The following CDC123 variants were observed in gnomAD, a reference collection of about 807,000 sequenced individuals.
The protein encoded by CDC123 is cell division cycle 123.
Under a neutral mutation model 54.4 loss-of-function variants are expected in CDC123, and 37 were observed. That is an observed-to-expected ratio of 0.68 (90% CI 0.52 to 0.89). The LOEUF is 0.89. Ranked by LOEUF, CDC123 falls within the 40% of genes least tolerant of loss-of-function variation. The pLI is 0.00. For synonymous variants in CDC123, 144 were observed against 136.8 expected (o/e 1.05, Z -0.37); for missense variants, 361 against 412.1 (o/e 0.88, Z 1.07).
In CDC123 at chr10:12,235,126, G is replaced by T. The variant is rs772751537; in HGVS notation, c.565+3G>T. On this transcript the variant is annotated splice_donor_region_variant and intron_variant, in intron 8 of 12. Coordinates refer to ENST00000281141, the MANE Select transcript of CDC123 (RefSeq NM_006023.3). ...TGTCAAGGAAAACAAGCTTATTGGTGAGTTTTTGTTTGTTTGTTTGTTTTA... is the reference window on the plus strand; with the variant it reads ...TGTCAAGGAAAACAAGCTTATTGGTTAGTTTTTGTTTGTTTGTTTGTTTTA... The T allele has an allele frequency of 1.1e-5, 18 of 1,609,528 alleles. No individual in the cohort carries two copies. Among genetic ancestry groups the T allele is most frequent in the Non-Finnish European group, 1.5e-5 (18 of 1,177,684 alleles).
At chr10:12,209,840 A>G in intron 2 of CDC123, 127 bp from the exon 3 acceptor site, 1 of 820,488 alleles carries the variant, frequency 1.2e-6, no homozygotes, top group Non-Finnish European at 2.1e-6. Flanking sequence ...CTAGGATTAC[A>G]GGTGTGAGCC....
intron 2 of CDC123, among the ~76,000 whole-genome samples, chr10:12,200,261 G>T (rs919242475): frequency 2.0e-5 from 3 of 150,750 alleles, no homozygotes; most frequent in African/African-American, 7.3e-5. Context: ...CAACTAGCTG[G>T]GACAACAGGT....
In CDC123 at chr10:12,218,247, CTTTTTT is replaced by C. The variant is rs34125393; in HGVS notation, c.440+792_440+797del. 5.0e-5 allele frequency among the ~76,000 whole-genome samples: 6 copies of C among 119,198 alleles called. No homozygotes were observed. The East Asian group carries it at 1.2e-3, about 23-fold the overall frequency. 78.2% of individuals were successfully genotyped at this position (119,198 alleles called of 152,430 possible). ...CTATAGTTTGTATTTCTTTTTTTTTCTTTTTTTTTTTTTTTTTGAGGCAGGGTCTCA... is the reference window on the plus strand; with the variant it reads ...CTATAGTTTGTATTTCTTTTTTTTTCTTTTTTTTTTTGAGGCAGGGTCTCA... On this transcript the variant is annotated intron_variant, in intron 6 of 12. Coordinates refer to ENST00000281141, the MANE Select transcript of CDC123 (RefSeq NM_006023.3).
intron 6 of CDC123, among the ~76,000 whole-genome samples, chr10:12,229,184 T>C (rs1035926070): frequency 1.3e-5 from 2 of 152,232 alleles, no homozygotes; most frequent in Non-Finnish European, 2.9e-5. Flanking sequence ...TCCCCTAAAC[T>C]GTCCAACACC....
chr10:12,196,318 AG>A lies in CDC123; in HGVS notation c.74+1del. On this transcript the variant is annotated frameshift_variant and splice_region_variant, in exon 1 of 13. Transcript: ENST00000281141. LOFTEE classifies it high-confidence loss of function. Reference protein sequence around the residue: ...YPFFRGVTIKSVILPLPQNVK... With the variant: ...YPFFRGVTIKXVILPLPQNVK... ...GTTCTTCCGAGGCGTTACCATCAAG[AG>A]GTGAGATGGGAGGGGGTTCGCCCGG... The A allele has an allele frequency of 3.7e-6, 6 of 1,611,152 alleles. No homozygotes were observed. Among genetic ancestry groups the A allele is most frequent in the Non-Finnish European group, 5.1e-6 (6 of 1,178,402 alleles).
chr10:12,214,855 G>A (rs1034721486), intron 4 of CDC123, among the ~76,000 whole-genome samples: 5 of 152,054 alleles, frequency 3.3e-5, no homozygotes, highest in East Asian at 1.9e-4. Context: ...ATAGTTGCCC[G>A]ATAGGGGGCA....
chr10:12,216,239 A>G (rs888198411), intron 5 of CDC123, among the ~76,000 whole-genome samples: 3 of 152,332 alleles, frequency 2.0e-5, no homozygotes, highest in South Asian at 4.1e-4. Context: ...TCTTTTCTTA[A>G]ATTGTGTCTT....
intron 6 of CDC123, among the ~76,000 whole-genome samples, chr10:12,219,124 G>A (rs757914920): frequency 3.3e-5 from 5 of 151,848 alleles, no homozygotes; most frequent in African/African-American, 7.3e-5. Flanking sequence ...GAAGTGGATC[G>A]TGGCATGAAT....
chr10:12,221,658 A>G (rs1035985163), intron 6 of CDC123, among the ~76,000 whole-genome samples: 25 of 152,120 alleles, frequency 1.6e-4, no homozygotes, highest in Non-Finnish European at 2.4e-4. Context: ...ACACAAATTC[A>G]TAAACTTTCA....
chr10:12,237,794 G>C (rs1835999878), intron 9 of CDC123, among the ~76,000 whole-genome samples: 1 of 152,114 alleles, frequency 6.6e-6, no homozygotes, highest in Non-Finnish European at 1.5e-5. Flanking sequence ...TCCCTGTCTT[G>C]TTTTAGATGT....
intron 2 of CDC123, among the ~76,000 whole-genome samples, chr10:12,199,395 A>G (rs1835409574): frequency 6.6e-6 from 1 of 152,210 alleles, no homozygotes; most frequent in Non-Finnish European, 1.5e-5. Flanking sequence ...ATAGCCTGAC[A>G]GTAACCCTAT....
intron 6 of CDC123, among the ~76,000 whole-genome samples, chr10:12,226,211 T>TC (rs925966583): frequency 1.7e-4 from 26 of 151,928 alleles, no homozygotes; most frequent in African/African-American, 4.8e-4. Flanking sequence ...TCCCCACACT[T>TC]CCCCCCCTTC....
intron 6 of CDC123, among the ~76,000 whole-genome samples, chr10:12,229,051 G>T (rs933186827): frequency 3.3e-5 from 5 of 152,092 alleles, no homozygotes; most frequent in African/African-American, 9.7e-5. Flanking sequence ...AAGTGATCTT[G>T]CCTCCGCCTC....
chr10:12,250,384 G>C lies in CDC123; in HGVS notation c.*47G>C, dbSNP rs772675022. 6.7e-7 allele frequency: 1 copy of C among 1,488,800 alleles called. No homozygotes were observed. The highest frequency in any genetic ancestry group is 9.4e-7 in the Non-Finnish European group (1 of 1,066,436). The allele number at this position is 1,488,800 out of a possible 1,614,324, so 92.2% of individuals were successfully genotyped here. Reference sequence around the variant, plus strand: ...AGAGGAGGCCCCGCCCCACCGCTCCGGGAGCTGCTCATCAGCCGCAACTTC... The same window carrying C: ...AGAGGAGGCCCCGCCCCACCGCTCCCGGAGCTGCTCATCAGCCGCAACTTC... On this transcript the variant is annotated 3_prime_UTR_variant, in exon 13 of 13. Coordinates refer to ENST00000281141, the MANE Select transcript of CDC123 (RefSeq NM_006023.3).
intron 7 of CDC123, among the ~76,000 whole-genome samples, chr10:12,232,343 G>A (rs543885461): frequency 6.6e-5 from 10 of 152,084 alleles, no homozygotes; most frequent in Admixed American, 5.2e-4. Flanking sequence ...ACACCAATTC[G>A]AATTAGTGCA....
intron 2 of CDC123, among the ~76,000 whole-genome samples, chr10:12,206,785 C>G (rs1360187888): frequency 2.6e-5 from 4 of 152,048 alleles, no homozygotes; most frequent in Admixed American, 2.0e-4. Flanking sequence ...GGTGAAACCC[C>G]ATCTCTACTA....
intron 6 of CDC123, among the ~76,000 whole-genome samples, chr10:12,227,795 C>A (rs180771434): frequency 6.6e-6 from 1 of 151,790 alleles, no homozygotes; most frequent in Non-Finnish European, 1.5e-5. Flanking sequence ...CGCACCCAGT[C>A]CAAAAATAAT....
At chr10:12,218,908 A>G (rs1334117637) in intron 6 of CDC123, among the ~76,000 whole-genome samples, 1 of 152,126 alleles carries the variant, frequency 6.6e-6, no homozygotes. Context: ...AATAGCAGCT[A>G]TTTTTCTAGG....
At position 12,245,687 on chromosome 10, in the gene CDC123, A is replaced by G. The variant is rs188282056; in HGVS notation, c.718-462A>G. On this transcript the variant is annotated intron_variant, in intron 10 of 12. Transcript: ENST00000281141. ...GGGCCCTCCCTTTAGATCTCTGTCT[A>G]TTCAGACAGGCGGCCCTTTCTCAGA... 87 of 152,866 alleles carry G rather than the reference A, an allele frequency of 5.7e-4. No homozygotes were observed. In the South Asian group the frequency reaches 0.017, roughly 29 times the overall value. 9.5% of individuals were successfully genotyped at this position (152,866 alleles called of 1,614,324 possible).
Sources: gnomAD v4.1 joint callset for allele counts (sites outside exome capture counted in the v4.1 genomes callset) on GRCh38, gnomAD v4.1.1 for gene constraint, MANE v1.5 for transcripts, NCBI Gene and HGNC (gene_info 2026-07-23, HGNC 2026-07-21) for gene names.